The following GALNTL6 variants were observed in gnomAD, a reference collection of about 807,000 sequenced individuals.
The protein encoded by GALNTL6 is polypeptide N-acetylgalactosaminyltransferase-like 6.
In GALNTL6, 46 loss-of-function variants were observed where a neutral mutation model predicts 73.7. That is an observed-to-expected ratio of 0.62 (90% confidence interval 0.49 to 0.80). GALNTL6 has a LOEUF of 0.80. Among genes scored for constraint, GALNTL6 ranks in the 30% least tolerant of loss-of-function variants. The pLI is 0.00. For missense variants in GALNTL6, 604 were observed against 755.0 expected (o/e 0.80, Z 2.34); for synonymous variants, 259 against 263.7 (o/e 0.98, Z 0.17).
intron 5 of GALNTL6, among the ~76,000 whole-genome samples, chr4:172,551,889 A>G (rs17058604): frequency 0.023 from 3,460 of 152,266 alleles, 128 homozygotes; most frequent in African/African-American, 0.078. Context: ...AAGGTACTCA[A>G]TTCATGCAAG....
intron 3 of GALNTL6, among the ~76,000 whole-genome samples, chr4:172,232,643 A>G (rs1186351491): frequency 6.6e-6 from 1 of 152,158 alleles, no homozygotes; most frequent in Non-Finnish European, 1.5e-5. Flanking sequence ...ATTTCAATCA[A>G]TAATGGATAG....
intron 4 of GALNTL6, among the ~76,000 whole-genome samples, chr4:172,346,912 C>CTT (rs1402143246): frequency 3.3e-5 from 5 of 151,782 alleles, no homozygotes; most frequent in Admixed American, 6.6e-5. Flanking sequence ...TTTGTCTACC[C>CTT]TTTCTCTGAT....
intron 2 of GALNTL6, among the ~76,000 whole-genome samples, chr4:172,207,725 C>T (rs1033926762): frequency 1.3e-5 from 2 of 152,072 alleles, no homozygotes; most frequent in African/African-American, 4.8e-5. Context: ...CTCTGTCCCT[C>T]AATTTCCTCA....
chr4:171,971,590 G>A (rs1022034990), intron 2 of GALNTL6, among the ~76,000 whole-genome samples: 2 of 152,136 alleles, frequency 1.3e-5, no homozygotes, highest in Admixed American at 1.3e-4. Context: ...TTTGTGAAGT[G>A]ATAATTTGGC....
At chr4:172,770,246 A>G (rs1560940733) in intron 5 of GALNTL6, among the ~76,000 whole-genome samples, 1 of 148,152 alleles carries the variant, frequency 6.7e-6, no homozygotes, top group Non-Finnish European at 1.5e-5. Context: ...AGCCTGGGCA[A>G]TAGAGCAGGA....
chr4:172,694,799 A>G (rs1446698093), intron 5 of GALNTL6, among the ~76,000 whole-genome samples: 1 of 152,260 alleles, frequency 6.6e-6, no homozygotes, highest in African/African-American at 2.4e-5. Flanking sequence ...GTGATAAAAT[A>G]TAACCATGGG....
In GALNTL6 at chr4:172,379,138, T is replaced by G. The variant is rs541844412; in HGVS notation, c.553+30449T>G. Among the ~76,000 whole-genome samples, 51 of 152,330 alleles carry G rather than the reference T, an allele frequency of 3.3e-4. 2 individuals carry two copies. The South Asian group carries it at 0.011, about 32-fold the overall frequency. ...AAGTCACAGTGTTATTATTGAGAGCTGTGATGTTTGTTTAATGTTCCCATT... is the reference window on the plus strand; with the variant it reads ...AAGTCACAGTGTTATTATTGAGAGCGGTGATGTTTGTTTAATGTTCCCATT... On this transcript the variant is annotated intron_variant, in intron 5 of 12. Transcript: ENST00000506823.
At chr4:172,069,424 AACACACATATAACATATATATG>A (rs1290920383) in intron 2 of GALNTL6, among the ~76,000 whole-genome samples, 88 of 94,960 alleles carry the variant, frequency 9.3e-4, no homozygotes, top group African/African-American at 2.6e-3. Flanking sequence ...TGTTATATAT[AACACACATATAACATATATATG>A]TAATATATAA....
intron 5 of GALNTL6, among the ~76,000 whole-genome samples, chr4:172,697,280 A>G (rs1733755541): frequency 6.6e-6 from 1 of 152,222 alleles, no homozygotes; most frequent in South Asian, 2.1e-4. Context: ...AGTTAGGATG[A>G]GAACATAGGT....
Position 173,040,060 on chromosome 4 carries a change from T to C in GALNTL6, c.1766T>C (p.Met589Thr). Residue 589 changes from methionine to threonine, a missense_variant, in exon 13 of 13, where the codon ATG becomes ACG. By Grantham distance (81) the Met-to-Thr change is moderately conservative. Transcript: ENST00000506823. ...TQQWIFEHIN[M>T]TVLEKFNHHA... The stretch of plus-strand genomic sequence containing the variant: ...CAGTGGATTTTTGAACACATTAATA[T>C]GACTGTTTTAGAAAAATTTAACCAC... 2 of 1,613,262 alleles carry C rather than the reference T, an allele frequency of 1.2e-6. No homozygotes were observed. The highest frequency in any genetic ancestry group is 8.5e-7 in the Non-Finnish European group (1 of 1,179,480).
chr4:172,546,419 C>T (rs10028462), intron 5 of GALNTL6, among the ~76,000 whole-genome samples: 6,768 of 151,774 alleles, frequency 0.045, 478 homozygotes, highest in African/African-American at 0.15. Flanking sequence ...CAGACTCTAC[C>T]ACTATGCAAT....
intron 5 of GALNTL6, among the ~76,000 whole-genome samples, chr4:172,440,708 G>A (rs963790212): frequency 2.0e-5 from 3 of 152,140 alleles, no homozygotes; most frequent in African/African-American, 7.2e-5. Context: ...GGCTATGCAT[G>A]TGTAGAGGCA....
intron 2 of GALNTL6, among the ~76,000 whole-genome samples, chr4:172,179,869 A>C (rs989608729): frequency 3.3e-5 from 5 of 152,302 alleles, no homozygotes; most frequent in African/African-American, 9.6e-5. Context: ...GGTTGGTTCC[A>C]AGTCTTTGCT....
chr4:172,313,455 TG>T (rs1740436098), intron 4 of GALNTL6, among the ~76,000 whole-genome samples: 1 of 152,098 alleles, frequency 6.6e-6, no homozygotes, highest in South Asian at 2.1e-4. Context: ...AATCTCTTAA[TG>T]TGTATTCAAG....
At chr4:172,037,819 TA>T (rs200716935) in intron 2 of GALNTL6, among the ~76,000 whole-genome samples, 2 of 151,786 alleles carry the variant, frequency 1.3e-5, no homozygotes, top group Non-Finnish European at 2.9e-5. Flanking sequence ...AACTTAACTT[TA>T]AAAAAAAATT....
At chr4:172,656,162 C>T (rs1034498318) in intron 5 of GALNTL6, among the ~76,000 whole-genome samples, 1 of 152,114 alleles carries the variant, frequency 6.6e-6, no homozygotes, top group African/African-American at 2.4e-5. Flanking sequence ...GGAGGAAATG[C>T]TCAAATCTGT....
chr4:172,888,606 C>T (rs1208939647), intron 8 of GALNTL6, among the ~76,000 whole-genome samples: 3 of 152,072 alleles, frequency 2.0e-5, no homozygotes, highest in Non-Finnish European at 2.9e-5. Context: ...AGTCTGTTCC[C>T]ACGCTCTATG....
At chr4:172,552,604 T>G (rs1016562132) in intron 5 of GALNTL6, among the ~76,000 whole-genome samples, 7 of 152,064 alleles carry the variant, frequency 4.6e-5, no homozygotes, top group African/African-American at 1.7e-4. Context: ...CAAAATACAT[T>G]TTTAGGATCA....
At chr4:172,189,921 C>G (rs1735523835) in intron 2 of GALNTL6, among the ~76,000 whole-genome samples, 3 of 152,120 alleles carry the variant, frequency 2.0e-5, no homozygotes, top group African/African-American at 4.8e-5. Flanking sequence ...AATCACTATG[C>G]AAATATTCCA....
Sources: gnomAD v4.1 joint callset for allele counts (sites outside exome capture counted in the v4.1 genomes callset) on GRCh38, gnomAD v4.1.1 for gene constraint, MANE v1.5 for transcripts, NCBI Gene and HGNC (gene_info 2026-07-23, HGNC 2026-07-21) for gene names.